PRKN: variants seen among roughly 807,000 people sequenced by gnomAD.
PRKN encodes parkin RBR E3 ubiquitin protein ligase.
Under a neutral mutation model 59.5 loss-of-function variants are expected in PRKN, and 56 were observed. The observed-to-expected ratio is 0.94, with a 90% CI of 0.76 to 1.18. The LOEUF (loss-of-function observed/expected upper bound fraction) is 1.18. Ranked by LOEUF, PRKN falls within the 50% of genes most tolerant of loss-of-function variation. The probability of loss-of-function intolerance (pLI) is 0.00; values close to 1 mark genes in which losing one functional copy is unlikely to be tolerated. For synonymous variants in PRKN, 250 were observed against 222.1 expected, an observed-to-expected ratio of 1.13 and a Z score of -1.12; for missense variants, 657 against 596.4, an observed-to-expected ratio of 1.10 and a Z score of -1.06.
intron 8 of PRKN, among the ~76,000 whole-genome samples, chr6:161,563,220 T>C (rs1780520240): frequency 6.6e-6 from 1 of 152,122 alleles, no homozygotes; most frequent in Non-Finnish European, 1.5e-5. Flanking sequence ...CATCCTAGCA[T>C]CAATTATGAT....
In PRKN at chr6:161,529,875, C is replaced by G. The variant is rs1463545615; in HGVS notation, c.1083+18979G>C. The stretch of plus-strand genomic sequence containing the variant: ...GATGATGAAGAAAAATACCACTTGA[C>G]ACAAATTAATGTCAATCCTTGAGGG... On this transcript the variant is annotated intron_variant, in intron 9 of 11. Coordinates refer to ENST00000366898, the MANE Select transcript of PRKN (RefSeq NM_004562.3). This position sits in a 1 kb window ranked among gnomAD's most constrained non-coding sequence, Gnocchi z 4.4. 1.3e-5 allele frequency among the ~76,000 whole-genome samples: 2 copies of G among 152,136 alleles called. No individual in the cohort carries two copies. Among genetic ancestry groups the G allele is most frequent in the East Asian group, 3.9e-4 (2 of 5,182 alleles).
In PRKN at chr6:161,386,923, T is replaced by C. The variant is rs1350697750; in HGVS notation, c.1084-46A>G. The C allele has an allele frequency of 1.4e-6, 2 of 1,470,244 alleles. No homozygotes were observed. Among genetic ancestry groups the C allele is most frequent in the Admixed American group, 1.7e-5 (1 of 59,852 alleles). 91.1% of individuals were successfully genotyped at this position (1,470,244 alleles called of 1,614,324 possible). On this transcript the variant is annotated intron_variant, in intron 9 of 11. Transcript: ENST00000366898. The surrounding 1 kb of genome is among the most constrained non-coding windows in gnomAD (Gnocchi z 4.3). ...ATTAATTAGGGACATTAGGTTGCAT[T>C]TGGCAATAACACATTTTTCCTTTTC...
chr6:161,628,207 T>C (rs1056568349), intron 7 of PRKN, among the ~76,000 whole-genome samples: 1 of 152,224 alleles, frequency 6.6e-6, no homozygotes, highest in African/African-American at 2.4e-5. Flanking sequence ...GGCTGTTCAA[T>C]TAATTTGGTT....
intron 6 of PRKN, among the ~76,000 whole-genome samples, chr6:161,827,064 G>C (rs980978620): frequency 6.6e-6 from 1 of 152,164 alleles, no homozygotes; most frequent in Non-Finnish European, 1.5e-5. Context: ...TATAAAATGA[G>C]CCAGGAAAAT....
At chr6:162,019,321 T>G (rs960321665) in intron 5 of PRKN, among the ~76,000 whole-genome samples, 3 of 152,066 alleles carry the variant, frequency 2.0e-5, no homozygotes, top group African/African-American at 7.2e-5. Flanking sequence ...GCTGTTAGAG[T>G]GTCATTAGAA....
chr6:162,578,857 T>G (rs1458367868), intron 1 of PRKN, among the ~76,000 whole-genome samples: 1 of 152,176 alleles, frequency 6.6e-6, no homozygotes, highest in African/African-American at 2.4e-5. Flanking sequence ...TTATGTCATA[T>G]TTTTTCTTAG....
chr6:162,402,172 C>A (rs1787827666), intron 2 of PRKN, among the ~76,000 whole-genome samples: 1 of 151,502 alleles, frequency 6.6e-6, no homozygotes, highest in South Asian at 2.1e-4. Flanking sequence ...TCGCTTGAAC[C>A]CAGAAAGCAG....
intron 10 of PRKN, among the ~76,000 whole-genome samples, chr6:161,370,641 T>C (rs898435637): frequency 3.5e-5 from 5 of 144,914 alleles, no homozygotes; most frequent in Non-Finnish European, 6.0e-5. Context: ...GACACATTGA[T>C]ATACATTGAA....
chr6:162,470,769 T>G (rs1791692427), intron 1 of PRKN, among the ~76,000 whole-genome samples: 1 of 152,124 alleles, frequency 6.6e-6, no homozygotes, highest in Admixed American at 6.5e-5. Flanking sequence ...ATTTATTTGT[T>G]TTTTTGAGAT....
chr6:161,975,523 T>C (rs993629324), intron 5 of PRKN, among the ~76,000 whole-genome samples: 1 of 152,226 alleles, frequency 6.6e-6, no homozygotes, highest in Non-Finnish European at 1.5e-5. Context: ...TTTTCCTGTT[T>C]ATAATTTACT....
In PRKN at chr6:161,547,929, C is replaced by T. The variant is rs923457730; in HGVS notation, c.1083+925G>A. On this transcript the variant is annotated intron_variant, in intron 9 of 11. Transcript: ENST00000366898. The surrounding 1 kb of genome is among the most constrained non-coding windows in gnomAD (Gnocchi z 4.0). ...GGATTTTATGAGCCCCACTGCATGACATACAGGAAGCTTTACTAAGGGGAA... is the reference window on the plus strand; with the variant it reads ...GGATTTTATGAGCCCCACTGCATGATATACAGGAAGCTTTACTAAGGGGAA... Among the ~76,000 whole-genome samples the T allele has an allele frequency of 6.6e-6, 1 of 152,176 alleles. No homozygotes were observed. Among genetic ancestry groups the T allele is most frequent in the African/African-American group, 2.4e-5 (1 of 41,446 alleles).
chr6:161,534,648 T>C (rs16892740), intron 9 of PRKN, among the ~76,000 whole-genome samples: 12,344 of 152,302 alleles, frequency 0.081, 718 homozygotes, highest in African/African-American at 0.16. Flanking sequence ...CGCATAGACA[T>C]GTCTTGTCTT....
intron 7 of PRKN, among the ~76,000 whole-genome samples, chr6:161,703,594 C>T (rs146176653): frequency 7.5e-4 from 114 of 152,242 alleles, no homozygotes; most frequent in African/African-American, 2.5e-3. Context: ...ACGATTCCCA[C>T]CTCACCTCTG....
chr6:162,692,379 G>A (rs1345510672), intron 1 of PRKN, among the ~76,000 whole-genome samples: 1 of 152,142 alleles, frequency 6.6e-6, no homozygotes, highest in Non-Finnish European at 1.5e-5. Flanking sequence ...TGCCTAGTAA[G>A]AGTTTGCTTT....
At chr6:161,604,099 G>A (rs1339143258) in intron 7 of PRKN, among the ~76,000 whole-genome samples, 1 of 152,170 alleles carries the variant, frequency 6.6e-6, no homozygotes, top group Admixed American at 6.5e-5. Context: ...AAGCCACCTG[G>A]TCTATGGGAT....
At chr6:161,558,768 A>C (rs1780340500) in intron 8 of PRKN, among the ~76,000 whole-genome samples, 1 of 152,160 alleles carries the variant, frequency 6.6e-6, no homozygotes, top group South Asian at 2.1e-4. Context: ...TTTTTCAAAA[A>C]AGAAGCACTC....
chr6:162,195,432 T>C (rs9458479), intron 4 of PRKN, among the ~76,000 whole-genome samples: 2 of 152,336 alleles, frequency 1.3e-5, no homozygotes, highest in Non-Finnish European at 2.9e-5. Flanking sequence ...TGGCCAACAA[T>C]TAATCTGTAA....
intron 1 of PRKN, among the ~76,000 whole-genome samples, chr6:162,549,741 T>G (rs1406686913): frequency 1.3e-5 from 2 of 150,696 alleles, no homozygotes; most frequent in African/African-American, 4.9e-5. Context: ...TGAGTTCAAG[T>G]GATTCTCCTG....
Position 161,874,287 on chromosome 6 carries a change from T to A in PRKN, c.735-88379A>T, listed in dbSNP as rs183692549. ...TAAAATATATAATATATATTATATA[T>A]TATATATTACATGTAAAATATTATA... On this transcript the variant is annotated intron_variant, in intron 6 of 11. Coordinates refer to ENST00000366898, the MANE Select transcript of PRKN (RefSeq NM_004562.3). Among the ~76,000 whole-genome samples the A allele has an allele frequency of 9.8e-3, 158 of 16,180 alleles. 43 individuals carry two copies. The highest frequency in any genetic ancestry group is 0.023 in the African/African-American group (111 of 4,780). The allele number at this position is 16,180 out of a possible 152,430, so 10.6% of individuals were successfully genotyped here. A position where few individuals can be genotyped will look rare whatever the true frequency, so the allele number is the denominator to read the frequency against.
Sources: allele counts gnomAD v4.1 joint callset (sites outside exome capture counted in the v4.1 genomes callset), GRCh38; gene constraint gnomAD v4.1.1; non-coding constraint Gnocchi (gnomAD v3.1); transcripts MANE v1.5; gene names NCBI Gene and HGNC (gene_info 2026-07-23, HGNC 2026-07-21).